The following BRINP2 variants were observed in gnomAD, a reference collection of about 807,000 sequenced individuals.
BRINP2 encodes the protein BMP/retinoic acid-inducible neural-specific protein 2.
A neutral mutation model predicts 69.2 loss-of-function variants in BRINP2; 21 were observed. That is an observed-to-expected ratio of 0.30 (90% CI 0.22 to 0.44). BRINP2 has a LOEUF of 0.44. Ranked by LOEUF, BRINP2 falls within the 20% of genes least tolerant of loss-of-function variation. The pLI, the probability that BRINP2 is intolerant of heterozygous loss-of-function variation, is 1.00. For missense variants in BRINP2, 877 were observed against 986.0 expected (o/e 0.89, Z 1.48); for synonymous variants, 380 against 394.1 (o/e 0.96, Z 0.42).
At chr1:177,192,112 T>C (rs1423170538) in intron 1 of BRINP2, among the ~76,000 whole-genome samples, 1 of 152,236 alleles carries the variant, frequency 6.6e-6, no homozygotes, top group Non-Finnish European at 1.5e-5. Context: ...ATGTTCACAG[T>C]GGAGCGATTA....
At chr1:177,271,287 TTGATC>T (rs1295085301) in intron 4 of BRINP2, among the ~76,000 whole-genome samples, 1 of 152,198 alleles carries the variant, frequency 6.6e-6, no homozygotes, top group Admixed American at 6.5e-5. Flanking sequence ...GATAATCAAA[TTGATC>T]TGAAGTCAGT....
chr1:177,182,445 C>T (rs992689067), intron 1 of BRINP2, among the ~76,000 whole-genome samples: 6 of 152,110 alleles, frequency 3.9e-5, no homozygotes, highest in African/African-American at 1.4e-4. Flanking sequence ...GTAGGCCCTT[C>T]AAAACGAACC....
chr1:177,250,385 G>A (rs1363148199), intron 2 of BRINP2, among the ~76,000 whole-genome samples: 1 of 152,088 alleles, frequency 6.6e-6, no homozygotes, highest in Non-Finnish European at 1.5e-5. Context: ...GGAGTGCAGT[G>A]GCACAATCTC....
intron 2 of BRINP2, among the ~76,000 whole-genome samples, chr1:177,252,147 A>G (rs1268581494): frequency 6.6e-6 from 1 of 152,188 alleles, no homozygotes; most frequent in African/African-American, 2.4e-5. Flanking sequence ...GGGATAGAAA[A>G]TACTTTTGAC....
At chr1:177,192,310 T>A (rs1648617645) in intron 1 of BRINP2, among the ~76,000 whole-genome samples, 1 of 152,176 alleles carries the variant, frequency 6.6e-6, no homozygotes, top group African/African-American at 2.4e-5. Flanking sequence ...CCGGGTTTTT[T>A]AGTTGATGGC....
intron 1 of BRINP2, among the ~76,000 whole-genome samples, chr1:177,218,549 C>G (rs999933013): frequency 1.3e-5 from 2 of 152,094 alleles, no homozygotes; most frequent in African/African-American, 4.8e-5. Context: ...TTACCTGACC[C>G]CAGATAGTCT....
intron 2 of BRINP2, among the ~76,000 whole-genome samples, chr1:177,247,211 C>A (rs964331791): frequency 6.6e-6 from 1 of 152,200 alleles, no homozygotes; most frequent in Non-Finnish European, 1.5e-5. Flanking sequence ...GAGAAGACTT[C>A]CTGTGTCTGA....
At position 177,256,052 on chromosome 1, in the gene BRINP2, A is replaced by G. The variant is rs1650745526; in HGVS notation, c.403A>G (p.Thr135Ala). The change falls in exon 3 of 8, where the codon ACA becomes GCA. Residue 135 changes from threonine (T) to alanine (A), a missense_variant. Thr to Ala is a moderately conservative substitution (Grantham distance 58, BLOSUM62 0). Coordinates refer to ENST00000361539, the MANE Select transcript of BRINP2 (RefSeq NM_021165.4). The stretch of plus-strand genomic sequence containing the variant: ...AAGGAGACCCAATCTGCAACAGGTT[A>G]CAGAAAATCTGATTAAAAAGTACGG... ...LGRRPNLQQV[T>A]ENLIKKYGTH... 6.2e-7 allele frequency: 1 copy of G among 1,614,100 alleles called. No individual in the cohort carries two copies. The highest frequency in any genetic ancestry group is 1.3e-5 in the African/African-American group (1 of 74,936).
intron 1 of BRINP2, among the ~76,000 whole-genome samples, chr1:177,227,044 G>T (rs1473674532): frequency 2.6e-5 from 4 of 152,170 alleles, no homozygotes; most frequent in Non-Finnish European, 5.9e-5. Context: ...CTGCCATCTG[G>T]ACTTTCAATG....
In BRINP2 at chr1:177,171,041, C is replaced by T. The variant is rs1331877226; in HGVS notation, c.-768C>T. On this transcript the variant is annotated 5_prime_UTR_variant, in exon 1 of 8. Coordinates refer to ENST00000361539, the MANE Select transcript of BRINP2 (RefSeq NM_021165.4). ...GGCTGCAGCTCTGGGATGCAATCCG[C>T]CTGCCTCGCAAGCTGCTCGCCGCTG... 2.0e-5 allele frequency among the ~76,000 whole-genome samples: 3 copies of T among 152,234 alleles called. No individual in the cohort carries two copies. The highest frequency in any genetic ancestry group is 4.4e-5 in the Non-Finnish European group (3 of 68,036).
chr1:177,175,291 G>A (rs183513992), intron 1 of BRINP2, among the ~76,000 whole-genome samples: 1,312 of 112,976 alleles, frequency 0.012, 25 homozygotes, highest in African/African-American at 0.077. Context: ...AAAGCGGGGT[G>A]GGGGGGGCAG....
At chr1:177,260,174 G>A (rs974997227) in intron 4 of BRINP2, among the ~76,000 whole-genome samples, 1 of 152,212 alleles carries the variant, frequency 6.6e-6, no homozygotes, top group Admixed American at 6.5e-5. Flanking sequence ...GGATGTCTTT[G>A]AGGATGTCTT....
At chr1:177,176,622 G>T (rs907877882) in intron 1 of BRINP2, among the ~76,000 whole-genome samples, 1 of 151,612 alleles carries the variant, frequency 6.6e-6, no homozygotes, top group Non-Finnish European at 1.5e-5. Context: ...GCAGAGGCAT[G>T]AAATAGGAGG....
Position 177,273,510 on chromosome 1 carries a change from C to G in BRINP2, c.692C>G (p.Pro231Arg), listed in dbSNP as rs746977405. 3.1e-6 allele frequency: 5 copies of G among 1,611,074 alleles called. No individual in the cohort carries two copies. Residue 231 changes from proline (P) to arginine (R), a missense_variant, in exon 5 of 8, where the codon CCT (proline) becomes CGT (arginine). Coordinates refer to ENST00000361539, the MANE Select transcript of BRINP2 (RefSeq NM_021165.4). ...AIKVTETRTGPLGCSNYDNLD... is the reference protein window; with the variant it reads ...AIKVTETRTGRLGCSNYDNLD... ...TAGGTCACCGAGACCAGGACCGGTC[C>G]TCTGGGCTGCAGCAACTATGACAAT...
rs548107175 is a variant in BRINP2, at chr1:177,265,758, A to G, written c.670-7730A>G. ...AAGTTGCCAAACTTCTCAGAACCTC[A>G]GTTTACTCATCCTAAAATTGTTGCA... On this transcript the variant is annotated intron_variant, in intron 4 of 7. Coordinates refer to ENST00000361539, the MANE Select transcript of BRINP2 (RefSeq NM_021165.4). 1.4e-4 allele frequency among the ~76,000 whole-genome samples: 21 copies of G among 152,232 alleles called. No homozygotes were observed. The South Asian group carries it at 2.1e-3, about 15-fold the overall frequency.
At chr1:177,193,087 A>T (rs1274772546) in intron 1 of BRINP2, among the ~76,000 whole-genome samples, 1 of 152,196 alleles carries the variant, frequency 6.6e-6, no homozygotes, top group Non-Finnish European at 1.5e-5. Flanking sequence ...TGAAGCGTAA[A>T]CTGCTTATGG....
intron 4 of BRINP2, among the ~76,000 whole-genome samples, chr1:177,258,996 T>G (rs561534293): frequency 1.5e-4 from 23 of 152,178 alleles, no homozygotes; most frequent in African/African-American, 5.5e-4. Context: ...TCACTTGAAA[T>G]CAAAAGCTAG....
At chr1:177,172,341 G>T (rs1647961236) in intron 1 of BRINP2, among the ~76,000 whole-genome samples, 1 of 152,198 alleles carries the variant, frequency 6.6e-6, no homozygotes, top group African/African-American at 2.4e-5. Context: ...AGACACTAGG[G>T]AAGAACATTG....
intron 1 of BRINP2, among the ~76,000 whole-genome samples, chr1:177,184,081 T>C (rs1648352635): frequency 6.6e-6 from 1 of 152,172 alleles, no homozygotes; most frequent in South Asian, 2.1e-4. Context: ...GTATGCAATC[T>C]ACTTGACTCA....
Sources: allele counts gnomAD v4.1 joint callset (sites outside exome capture counted in the v4.1 genomes callset), GRCh38; gene constraint gnomAD v4.1.1; transcripts MANE v1.5; gene names NCBI Gene and HGNC (gene_info 2026-07-23, HGNC 2026-07-21).